The following SCAPER variants were observed in gnomAD, a reference collection of about 807,000 sequenced individuals.
SCAPER encodes the protein S-phase cyclin A associated protein in the ER, also known as S phase cyclin A-associated protein in the endoplasmic reticulum.
In SCAPER, 98 loss-of-function variants were observed where a neutral mutation model predicts 182.2. That is an observed-to-expected ratio of 0.54 (90% CI 0.46 to 0.64). The LOEUF (loss-of-function observed/expected upper bound fraction) is 0.64. SCAPER is among the 30% of genes least tolerant of loss of function. The pLI is 0.00. For missense variants in SCAPER, 1,432 were observed against 1,690.0 expected (o/e 0.85, Z 2.68); for synonymous variants, 605 against 564.6 (o/e 1.07, Z -1.01).
chr15:76,651,762 A>T (rs953759428), intron 21 of SCAPER, among the ~76,000 whole-genome samples: 1 of 151,282 alleles, frequency 6.6e-6, no homozygotes. Context: ...TCCCTATCTC[A>T]TTCTATGAAG....
chr15:76,898,649 C>T (rs1040794891), intron 1 of SCAPER, among the ~76,000 whole-genome samples: 2 of 152,134 alleles, frequency 1.3e-5, no homozygotes, highest in African/African-American at 4.8e-5. Flanking sequence ...CAAAAGGCTT[C>T]GTACTGTATA....
chr15:76,660,895 A>G (rs1219585849), intron 21 of SCAPER, among the ~76,000 whole-genome samples: 13 of 151,876 alleles, frequency 8.6e-5, no homozygotes, highest in Non-Finnish European at 1.6e-4. Flanking sequence ...TAAGGTTAAT[A>G]CGCAAAAAAA....
chr15:76,870,480 A>G (rs2072635977), intron 2 of SCAPER, among the ~76,000 whole-genome samples: 1 of 152,082 alleles, frequency 6.6e-6, no homozygotes, highest in Admixed American at 6.5e-5. Flanking sequence ...GCCAAGTAAT[A>G]AAAGTTATCA....
chr15:76,755,844 G>C (rs986187714), intron 14 of SCAPER, among the ~76,000 whole-genome samples: 6 of 152,304 alleles, frequency 3.9e-5, no homozygotes, highest in Non-Finnish European at 2.9e-5. Context: ...TGGCAAGAAA[G>C]TGAGGTTTCT....
chr15:76,418,733 G>A (rs1204154879), intron 26 of SCAPER, among the ~76,000 whole-genome samples: 1 of 152,194 alleles, frequency 6.6e-6, no homozygotes, highest in African/African-American at 2.4e-5. Flanking sequence ...CCCAACAATG[G>A]AACAGGCAAA....
At chr15:76,460,180 T>G (rs2049054594) in intron 25 of SCAPER, among the ~76,000 whole-genome samples, 1 of 152,160 alleles carries the variant, frequency 6.6e-6, no homozygotes. Context: ...GTCATTTTAT[T>G]ACATTAATTA....
intron 14 of SCAPER, among the ~76,000 whole-genome samples, chr15:76,761,807 G>A (rs2062805592): frequency 1.3e-5 from 2 of 152,128 alleles, no homozygotes; most frequent in Admixed American, 6.5e-5. Flanking sequence ...CACATTTAGC[G>A]TATACTGTTG....
chr15:76,528,793 T>A (rs954386415), intron 23 of SCAPER, among the ~76,000 whole-genome samples: 2 of 152,210 alleles, frequency 1.3e-5, no homozygotes, highest in Admixed American at 1.3e-4. Flanking sequence ...ACTGTCTTTA[T>A]CTGACTCATC....
chr15:76,739,454 TA>T (rs937011307), intron 15 of SCAPER, among the ~76,000 whole-genome samples: 1 of 152,232 alleles, frequency 6.6e-6, no homozygotes, highest in Non-Finnish European at 1.5e-5. Flanking sequence ...GACCATTAAA[TA>T]AAATAAAGGT....
chr15:76,360,123 G>T (rs2041295002), intron 29 of SCAPER, among the ~76,000 whole-genome samples: 1 of 152,174 alleles, frequency 6.6e-6, no homozygotes, highest in Admixed American at 6.5e-5. Flanking sequence ...TCCCTGGTCT[G>T]GTTATAAGAG....
At chr15:76,663,165 G>A (rs2056326869) in intron 21 of SCAPER, among the ~76,000 whole-genome samples, 1 of 152,000 alleles carries the variant, frequency 6.6e-6, no homozygotes, top group Non-Finnish European at 1.5e-5. Context: ...AACAGTTTTA[G>A]AGGATATGAA....
At chr15:76,356,673 G>A (rs2040981207) in intron 29 of SCAPER, among the ~76,000 whole-genome samples, 1 of 152,132 alleles carries the variant, frequency 6.6e-6, no homozygotes, top group Non-Finnish European at 1.5e-5. Context: ...AAGTCCTAAG[G>A]CAGGCACCAC....
rs751889725 is a variant in SCAPER, at chr15:76,765,390, A to T, written c.1560T>A (p.Pro520=). Residue 520 remains proline (P), a synonymous_variant, in exon 13 of 32, where the codon CCT becomes CCA. Coordinates refer to ENST00000563290, the MANE Select transcript of SCAPER (RefSeq NM_020843.4). ...GDIVEEEPAR[P]PGHGIHMHEK... ...CATGCATGTGAATTCCATGCCCTGG[A>T]GGTCTAGCAGGTTCTTCTTCTACAA... 6.2e-7 allele frequency: 1 copy of T among 1,613,946 alleles called. No homozygotes were observed. Among genetic ancestry groups the T allele is most frequent in the East Asian group, 2.2e-5 (1 of 44,874 alleles).
Position 76,747,959 on chromosome 15 carries a change from G to T in SCAPER, c.1866+5849C>A, listed in dbSNP as rs75230588. 4.0e-4 allele frequency among the ~76,000 whole-genome samples: 60 copies of T among 151,788 alleles called. No homozygotes were observed. The East Asian group carries it at 9.1e-3, about 23-fold the overall frequency. On this transcript the variant is annotated intron_variant, in intron 15 of 31. Transcript: ENST00000563290. ...GAGAGGGTCTGTCTCTTCAACAAAC[G>T]GTGCTGGGAAATATGGATATTCTTT...
intron 26 of SCAPER, among the ~76,000 whole-genome samples, chr15:76,426,152 A>T (rs1301801722): frequency 1.3e-5 from 2 of 152,182 alleles, no homozygotes; most frequent in Non-Finnish European, 2.9e-5. Flanking sequence ...TCAGACAGGG[A>T]CATTTAAGTC....
chr15:76,812,675 T>C (rs1359098445), intron 5 of SCAPER, among the ~76,000 whole-genome samples: 1 of 152,046 alleles, frequency 6.6e-6, no homozygotes, highest in East Asian at 1.9e-4. Context: ...AACAATTATA[T>C]ACCAATACAT....
At chr15:76,833,280 C>T (rs1484856680) in intron 5 of SCAPER, among the ~76,000 whole-genome samples, 2 of 152,106 alleles carry the variant, frequency 1.3e-5, no homozygotes, top group Non-Finnish European at 2.9e-5. Context: ...CCAAACTAAG[C>T]TTCATAAGCA....
intron 23 of SCAPER, among the ~76,000 whole-genome samples, chr15:76,538,724 A>T (rs200335199): frequency 7.6e-4 from 1 of 1,324 alleles, no homozygotes; most frequent in African/African-American, 1.5e-3. Context: ...AATAATAATT[A>T]AAAAAAAAAG....
At chr15:76,568,707 C>T (rs1382397047) in intron 23 of SCAPER, among the ~76,000 whole-genome samples, 1 of 152,088 alleles carries the variant, frequency 6.6e-6, no homozygotes, top group Admixed American at 6.6e-5. Flanking sequence ...TCTGCGCCTA[C>T]ATATTGTTCT....
Sources: gnomAD v4.1 joint callset for allele counts (sites outside exome capture counted in the v4.1 genomes callset) on GRCh38, gnomAD v4.1.1 for gene constraint, MANE v1.5 for transcripts, NCBI Gene and HGNC (gene_info 2026-07-23, HGNC 2026-07-21) for gene names.